The following PIGL variants were observed in gnomAD, a reference collection of about 807,000 sequenced individuals.
PIGL encodes the protein phosphatidylinositol glycan anchor biosynthesis class L, also known as N-acetylglucosaminyl-phosphatidylinositol de-N-acetylase.
A neutral mutation model predicts 31.1 loss-of-function variants in PIGL; 22 were observed. The observed-to-expected ratio is 0.71, with a 90% CI of 0.51 to 1.01. PIGL has a LOEUF of 1.01. Among genes scored for constraint, PIGL ranks in the 50% least tolerant of loss-of-function variants. The probability of loss-of-function intolerance (pLI) is 0.00; values close to 1 mark genes in which losing one functional copy is unlikely to be tolerated. For synonymous variants in PIGL, 131 were observed against 117.4 expected, an observed-to-expected ratio of 1.12 and a Z score of -0.75; for missense variants, 302 against 315.9, an observed-to-expected ratio of 0.96 and a Z score of 0.33.
At chr17:16,306,522 CTTT>C (rs34479966) in intron 3 of PIGL, among the ~76,000 whole-genome samples, 2 of 113,670 alleles carry the variant, frequency 1.8e-5, no homozygotes, top group Non-Finnish European at 3.5e-5. Flanking sequence ...GTTATACGAT[CTTT>C]TTTTTTTTTT....
At chr17:16,317,517 C>T in intron 5 of PIGL, 4 of 1,222,922 alleles carry the variant, frequency 3.3e-6, no homozygotes, top group Non-Finnish European at 4.1e-6. Context: ...AGATCTCAAC[C>T]TCTAGCAGCC....
intron 2 of PIGL, among the ~76,000 whole-genome samples, chr17:16,271,808 G>A (rs539473838): frequency 5.3e-5 from 8 of 152,302 alleles, no homozygotes; most frequent in Admixed American, 5.2e-4. Context: ...GGGATTACAG[G>A]CGTGAACCAC....
Position 16,217,315 on chromosome 17 carries a change from G to A in PIGL, c.89G>A (p.Ser30Asn), listed in dbSNP as rs779205636. The change falls in exon 1 of 7, where the codon AGT becomes AAT. Residue 30 changes from serine (S) to asparagine (N), a missense_variant. Transcript: ENST00000225609. ...WVWDSSERMK[S>N]REQGGRLGAE... ...TGGGACTCCTCAGAACGAATGAAGA[G>A]TCGGGAGCAGGGAGGACGGCTGGGA... The A allele has an allele frequency of 3.7e-5, 60 of 1,614,096 alleles. No individual in the cohort carries two copies. In the Admixed American group the frequency reaches 1.0e-3, roughly 27 times the overall value.
At chr17:16,291,649 T>C (rs2092961233) in intron 2 of PIGL, among the ~76,000 whole-genome samples, 1 of 151,956 alleles carries the variant, frequency 6.6e-6, no homozygotes. Flanking sequence ...GCGGGTCACC[T>C]GAGGTCAGGA....
intron 4 of PIGL, among the ~76,000 whole-genome samples, chr17:16,314,394 C>T (rs1486710342): frequency 6.6e-6 from 1 of 152,178 alleles, no homozygotes; most frequent in Non-Finnish European, 1.5e-5. Context: ...ATGACCTCAC[C>T]AACCATTAAG....
chr17:16,299,191 G>A (rs1372715315), intron 2 of PIGL, among the ~76,000 whole-genome samples: 2 of 151,692 alleles, frequency 1.3e-5, no homozygotes, highest in Non-Finnish European at 2.9e-5. Context: ...CTAGGCGACA[G>A]AGCAGTAATC....
At chr17:16,295,984 A>G (rs2142828165) in intron 2 of PIGL, among the ~76,000 whole-genome samples, 1 of 152,312 alleles carries the variant, frequency 6.6e-6, no homozygotes, top group East Asian at 1.9e-4. Flanking sequence ...GAAAAAATGA[A>G]AAATGAAGAG....
intron 1 of PIGL, among the ~76,000 whole-genome samples, chr17:16,219,184 C>T (rs1329593576): frequency 1.3e-5 from 2 of 150,338 alleles, no homozygotes. Context: ...CTTTCTGGGA[C>T]TACAGGCGCC....
intron 2 of PIGL, among the ~76,000 whole-genome samples, chr17:16,290,921 C>G (rs1432210296): frequency 6.6e-6 from 1 of 152,134 alleles, no homozygotes; most frequent in African/African-American, 2.4e-5. Context: ...CTCAAGTGAT[C>G]CTCCCACTTT....
At chr17:16,250,085 T>C (rs1454051172) in intron 2 of PIGL, among the ~76,000 whole-genome samples, 1 of 152,164 alleles carries the variant, frequency 6.6e-6, no homozygotes, top group African/African-American at 2.4e-5. Flanking sequence ...TCGCTGGGAT[T>C]ACCGACATAT....
intron 1 of PIGL, among the ~76,000 whole-genome samples, chr17:16,227,254 G>A (rs1297518928): frequency 1.3e-5 from 2 of 151,152 alleles, no homozygotes; most frequent in African/African-American, 4.9e-5. Flanking sequence ...GATTACAGGC[G>A]CGTGCCACCA....
intron 2 of PIGL, among the ~76,000 whole-genome samples, chr17:16,270,231 G>A (rs1268713570): frequency 6.6e-6 from 1 of 151,446 alleles, no homozygotes; most frequent in African/African-American, 2.4e-5. Context: ...GGAGGTTGCA[G>A]TGAGCCGAGC....
chr17:16,228,772 C>G (rs973491783), intron 1 of PIGL, among the ~76,000 whole-genome samples: 9 of 152,204 alleles, frequency 5.9e-5, no homozygotes, highest in Non-Finnish European at 1.5e-5. Context: ...TTCATCATCC[C>G]AAATAGAAAC....
chr17:16,314,745 G>T (rs1024273473), intron 4 of PIGL, among the ~76,000 whole-genome samples: 1 of 152,138 alleles, frequency 6.6e-6, no homozygotes, highest in African/African-American at 2.4e-5. Context: ...TTCAAATTCA[G>T]GAAAGAAACA....
At chr17:16,246,032 C>A (rs1184736856) in intron 2 of PIGL, among the ~76,000 whole-genome samples, 1 of 149,522 alleles carries the variant, frequency 6.7e-6, no homozygotes, top group Non-Finnish European at 1.5e-5. Flanking sequence ...ACCATGTTAG[C>A]CAGGATGGTC....
chr17:16,317,342 C>G (rs2093082355), intron 5 of PIGL: 1 of 961,788 alleles, frequency 1.0e-6, no homozygotes, highest in Admixed American at 5.2e-5. Context: ...ACAGGCAGGT[C>G]TCACACTATC....
At chr17:16,320,169 A>G (rs2093096856) in intron 6 of PIGL, among the ~76,000 whole-genome samples, 1 of 145,258 alleles carries the variant, frequency 6.9e-6, no homozygotes, top group Non-Finnish European at 1.5e-5. Context: ...GAAGGGAGAA[A>G]GAGACAGAGA....
At chr17:16,254,666 G>C (rs549535210) in intron 2 of PIGL, among the ~76,000 whole-genome samples, 1 of 151,790 alleles carries the variant, frequency 6.6e-6, no homozygotes, top group Non-Finnish European at 1.5e-5. Flanking sequence ...ATGCAGTGGC[G>C]CTATCTCGAC....
intron 4 of PIGL, among the ~76,000 whole-genome samples, chr17:16,314,015 T>C (rs1244067054): frequency 6.6e-6 from 1 of 152,174 alleles, no homozygotes; most frequent in Non-Finnish European, 1.5e-5. Flanking sequence ...TTCTTCCCCT[T>C]ACTCTCACTT....
Sources: gnomAD v4.1 joint callset for allele counts (sites outside exome capture counted in the v4.1 genomes callset) on GRCh38, gnomAD v4.1.1 for gene constraint, MANE v1.5 for transcripts, NCBI Gene and HGNC (gene_info 2026-07-23, HGNC 2026-07-21) for gene names.